The following LAMTOR3 variants were observed in gnomAD, a reference collection of about 807,000 sequenced individuals.
LAMTOR3 encodes the protein late endosomal/lysosomal adaptor, MAPK and MTOR activator 3, also known as ragulator complex protein LAMTOR3.
A neutral mutation model predicts 20.3 loss-of-function variants in LAMTOR3; 14 were observed. The ratio of observed to expected loss-of-function variants is 0.69; its 90% confidence interval spans 0.46 to 1.08. The LOEUF (loss-of-function observed/expected upper bound fraction) is 1.08. Ranked by LOEUF, LAMTOR3 falls within the 50% of genes least tolerant of loss-of-function variation. LAMTOR3 has a pLI of 0.00. For missense variants in LAMTOR3, 125 were observed against 143.7 expected (o/e 0.87, Z 0.67); for synonymous variants, 40 against 49.4 (o/e 0.81, Z 0.80).
chr4:99,889,152 C>T (rs905651398), intron 3 of LAMTOR3, among the ~76,000 whole-genome samples: 7 of 152,086 alleles, frequency 4.6e-5, no homozygotes, highest in Non-Finnish European at 8.8e-5. Context: ...GCCAAGATTG[C>T]GCCACTGCAC....
At chr4:99,892,139 C>A in intron 2 of LAMTOR3, 105 bp from the exon 3 acceptor site, 1 of 1,434,048 alleles carries the variant, frequency 7.0e-7, no homozygotes, top group South Asian at 1.6e-5. Context: ...CATTCATAAC[C>A]TTTCTTGCTG....
chr4:99,887,436 C>A, intron 3 of LAMTOR3, 82 bp from the exon 4 acceptor site: 1 of 601,700 alleles, frequency 1.7e-6, no homozygotes, highest in Non-Finnish European at 2.5e-6. Flanking sequence ...ATTTCATTTT[C>A]TCAAACTATG....
intron 2 of LAMTOR3, among the ~76,000 whole-genome samples, chr4:99,893,682 C>T (rs1725067350): frequency 1.3e-5 from 2 of 152,148 alleles, no homozygotes; most frequent in Non-Finnish European, 2.9e-5. Context: ...CTCTCTTATG[C>T]CCCAGCTGGA....
rs561221816 is a variant in LAMTOR3, at chr4:99,894,125, C to T, written c.-37-125G>A. 809 of 533,680 alleles carry T rather than the reference C, an allele frequency of 1.5e-3. 4 individuals are homozygous for T. Among genetic ancestry groups the T allele is most frequent in the African/African-American group, 0.014 (722 of 51,708 alleles). 33.1% of individuals were successfully genotyped at this position (533,680 alleles called of 1,614,324 possible). On this transcript the variant is annotated intron_variant, in intron 1 of 6. Transcript: ENST00000499666. Reference sequence around the variant, plus strand: ...AACCCCCGCGGTTCTAGGGCTTGGCCCAGCGAGCCCAGTGGGAGTCGGAGT... The same window carrying T: ...AACCCCCGCGGTTCTAGGGCTTGGCTCAGCGAGCCCAGTGGGAGTCGGAGT...
At chr4:99,883,405 T>C (rs545771573) in intron 6 of LAMTOR3, among the ~76,000 whole-genome samples, 1 of 152,176 alleles carries the variant, frequency 6.6e-6, no homozygotes, top group Admixed American at 6.5e-5. Flanking sequence ...AATCCTACTT[T>C]ATATAAAATG....
Position 99,887,287 on chromosome 4 carries a change from C to A in LAMTOR3, c.103+9G>T. 1 of 1,543,840 alleles carries A rather than the reference C, an allele frequency of 6.5e-7. No individual in the cohort carries two copies. The highest frequency in any genetic ancestry group is 1.2e-5 in the South Asian group (1 of 82,302). On this transcript the variant is annotated intron_variant, in intron 4 of 6. Transcript: ENST00000499666. ...AAGAAGACATTTGCATTTAAATGTT[C>A]AGTTTTACCTTTAATAACAGGTACT...
intron 3 of LAMTOR3, among the ~76,000 whole-genome samples, chr4:99,889,310 C>G (rs981262318): frequency 1.3e-5 from 2 of 152,120 alleles, no homozygotes; most frequent in African/African-American, 4.8e-5. Flanking sequence ...TTATTTTGTG[C>G]AGTTACCAAA....
At chr4:99,892,742 G>A (rs1318362002) in intron 2 of LAMTOR3, among the ~76,000 whole-genome samples, 1 of 150,454 alleles carries the variant, frequency 6.6e-6, no homozygotes, top group East Asian at 2.0e-4. Flanking sequence ...GCAATGGCGC[G>A]ATCTCGGCTC....
At position 99,887,304 on chromosome 4, in the gene LAMTOR3, A is replaced by G; in HGVS notation, c.95T>C (p.Val32Ala). 1 of 1,566,328 alleles carries G rather than the reference A, an allele frequency of 6.4e-7. No homozygotes were observed. Among genetic ancestry groups the G allele is most frequent in the Non-Finnish European group, 8.7e-7 (1 of 1,153,904 alleles). The part of the protein sequence containing the change: ...IVVSDRDGVP[V>A]IKVANDNAPE... Reference sequence around the variant, plus strand: ...TAAATGTTCAGTTTTACCTTTAATAACAGGTACTCCATCTCTATCTGACAC... The same window carrying G: ...TAAATGTTCAGTTTTACCTTTAATAGCAGGTACTCCATCTCTATCTGACAC... Residue 32 changes from valine (V) to alanine (A), a missense_variant, in exon 4 of 7, where the codon GTT (valine) becomes GCT (alanine). Around this residue, in one of 3 missense-constraint regions of LAMTOR3, gnomAD observed 99 missense variants for 96.0 expected, o/e 1.03. Coordinates refer to ENST00000499666, the MANE Select transcript of LAMTOR3 (RefSeq NM_021970.4).
intron 3 of LAMTOR3, 33 bp from the exon 4 acceptor site, chr4:99,887,387 A>T (rs1578203287): frequency 9.3e-7 from 1 of 1,070,828 alleles, no homozygotes; most frequent in African/African-American, 1.7e-5. Flanking sequence ...ATATAAAAAA[A>T]GTTAAAATAT....
intron 5 of LAMTOR3, 69 bp from the exon 6 acceptor site, chr4:99,884,194 C>A: frequency 8.3e-7 from 1 of 1,201,548 alleles, no homozygotes; most frequent in South Asian, 1.2e-5. Flanking sequence ...ACTGAAATGT[C>A]TTAATCTTTC....
chr4:99,886,799 G>T (rs2110181088), intron 4 of LAMTOR3, among the ~76,000 whole-genome samples: 1 of 152,132 alleles, frequency 6.6e-6, no homozygotes, highest in African/African-American at 2.4e-5. Context: ...CCATAATATA[G>T]AAATAGTAAA....
rs1201700380 is a variant in LAMTOR3, at chr4:99,882,074, T to C, written c.302-7A>G. On this transcript the variant is annotated splice_polypyrimidine_tract_variant and splice_region_variant and intron_variant, in intron 6 of 6. Transcript: ENST00000499666. ...TCTAGGCTGACAATTAGTCCTAAAA[T>C]AAAGAGATTAAGAAAATTACATGTT... 1.3e-6 allele frequency: 2 copies of C among 1,537,668 alleles called. No individual in the cohort carries two copies. Among genetic ancestry groups the C allele is most frequent in the Admixed American group, 2.1e-5 (1 of 47,208 alleles).
At chr4:99,886,661 A>T (rs1240143351) in intron 4 of LAMTOR3, among the ~76,000 whole-genome samples, 1 of 152,228 alleles carries the variant, frequency 6.6e-6, no homozygotes, top group Admixed American at 6.5e-5. Flanking sequence ...GTCTAAAATT[A>T]TCTGATATAT....
chr4:99,886,405 A>T (rs1211105628), intron 4 of LAMTOR3, among the ~76,000 whole-genome samples: 6 of 152,208 alleles, frequency 3.9e-5, no homozygotes, highest in Non-Finnish European at 7.3e-5. Flanking sequence ...GAAGATTATA[A>T]ACCACAGGAC....
intron 6 of LAMTOR3, among the ~76,000 whole-genome samples, chr4:99,882,975 A>G (rs1724856112): frequency 6.6e-6 from 1 of 152,060 alleles, no homozygotes; most frequent in South Asian, 2.1e-4. Flanking sequence ...TCTGTCTTAT[A>G]GAATATAAAA....
At position 99,885,550 on chromosome 4, in the gene LAMTOR3, TG is replaced by T. The variant is rs772205979; in HGVS notation, c.228del (p.Asn76LysfsTer15). On this transcript the variant is annotated frameshift_variant, in exon 5 of 7. Coordinates refer to ENST00000499666, the MANE Select transcript of LAMTOR3 (RefSeq NM_021970.4). LOFTEE classifies it high-confidence loss of function. ...TATAATTATGAACTTACCTGGTAGG[TG>T]TTATAGTAACAGATGATACTTTTAT... ...SKNKSIICYY[N>X]TYQVVQFNRL... is the part of the protein sequence containing the mutation. 6.2e-7 allele frequency: 1 copy of T among 1,610,894 alleles called. No homozygotes were observed.
At chr4:99,883,718 T>C (rs1304523758) in intron 6 of LAMTOR3, among the ~76,000 whole-genome samples, 1 of 151,810 alleles carries the variant, frequency 6.6e-6, no homozygotes, top group African/African-American at 2.4e-5. Context: ...CCTTGTTTTC[T>C]TAAACTGCTG....
chr4:99,889,468 T>A (rs1381933971), intron 3 of LAMTOR3, among the ~76,000 whole-genome samples: 1 of 152,172 alleles, frequency 6.6e-6, no homozygotes, highest in South Asian at 2.1e-4. Context: ...CCAGGAAAGA[T>A]TACTCTCAAA....
Sources: allele counts gnomAD v4.1 joint callset (sites outside exome capture counted in the v4.1 genomes callset), GRCh38; gene constraint gnomAD v4.1.1; regional missense constraint gnomAD v4.1.1; transcripts MANE v1.5; gene names NCBI Gene and HGNC (gene_info 2026-07-23, HGNC 2026-07-21).